The following EPHA6 variants were observed in gnomAD, a reference collection of about 807,000 sequenced individuals.
The protein encoded by EPHA6 is ephrin type-A receptor 6.
A neutral mutation model predicts 112.0 loss-of-function variants in EPHA6; 50 were observed. The observed-to-expected ratio is 0.45, with a 90% CI of 0.36 to 0.56. The LOEUF is 0.56. Ranked by LOEUF, EPHA6 falls within the 20% of genes least tolerant of loss-of-function variation. EPHA6 has a pLI of 0.00. For missense variants in EPHA6, 1,280 were observed against 1,417.4 expected (o/e 0.90, Z 1.56); for synonymous variants, 529 against 490.7 (o/e 1.08, Z -1.03).
chr3:97,187,967 T>C (rs1203127743), intron 3 of EPHA6, among the ~76,000 whole-genome samples: 1 of 152,104 alleles, frequency 6.6e-6, no homozygotes, highest in Non-Finnish European at 1.5e-5. Context: ...TTGACACATA[T>C]CTGATTGGCA....
chr3:96,822,080 C>A (rs2033302432), intron 1 of EPHA6, among the ~76,000 whole-genome samples: 1 of 151,900 alleles, frequency 6.6e-6, no homozygotes, highest in African/African-American at 2.4e-5. Context: ...CAAGACTCTT[C>A]TGATGTTAGT....
intron 2 of EPHA6, among the ~76,000 whole-genome samples, chr3:96,931,377 C>G (rs112306901): frequency 0.01 from 1,584 of 152,264 alleles, 26 homozygotes; most frequent in African/African-American, 0.036. Context: ...AGCCAGCAGG[C>G]TGAGATGGCT....
chr3:97,542,068 C>A (rs1382486680), intron 11 of EPHA6, among the ~76,000 whole-genome samples: 1 of 149,992 alleles, frequency 6.7e-6, no homozygotes, highest in Non-Finnish European at 1.5e-5. Context: ...GGAGGCTAGG[C>A]CTGTCTTGTC....
chr3:97,715,398 T>G (rs111420971), intron 14 of EPHA6, among the ~76,000 whole-genome samples: 3,361 of 152,314 alleles, frequency 0.022, 64 homozygotes, highest in Middle Eastern at 0.061. Context: ...AAAATATTGT[T>G]TAGTCAAAAT....
chr3:97,442,880 G>A (rs2090185276), intron 6 of EPHA6, among the ~76,000 whole-genome samples: 1 of 152,040 alleles, frequency 6.6e-6, no homozygotes, highest in African/African-American at 2.4e-5. Context: ...ACCAAATCTA[G>A]TATTCAAACT....
chr3:97,203,477 A>G (rs2077632261), intron 3 of EPHA6, among the ~76,000 whole-genome samples: 1 of 152,130 alleles, frequency 6.6e-6, no homozygotes, highest in Admixed American at 6.6e-5. Context: ...CATCATACCC[A>G]ATTTTTAACA....
intron 3 of EPHA6, among the ~76,000 whole-genome samples, chr3:97,146,354 G>A (rs1262707618): frequency 4.0e-5 from 6 of 151,778 alleles, no homozygotes; most frequent in Non-Finnish European, 8.8e-5. Flanking sequence ...CATTCTCTTT[G>A]CTGCTGGAGA....
intron 3 of EPHA6, among the ~76,000 whole-genome samples, chr3:97,055,403 C>A (rs953673801): frequency 6.6e-6 from 1 of 152,036 alleles, no homozygotes; most frequent in Non-Finnish European, 1.5e-5. Flanking sequence ...GAAATCTTAG[C>A]TTAAAAACCT....
intron 1 of EPHA6, among the ~76,000 whole-genome samples, chr3:96,849,683 A>G (rs953520302): frequency 2.0e-5 from 3 of 152,138 alleles, no homozygotes; most frequent in African/African-American, 7.2e-5. Flanking sequence ...CATAGTGGTT[A>G]GGAACTTGGG....
chr3:96,814,905 C>T lies in EPHA6; in HGVS notation c.282C>T (p.Thr94=), dbSNP rs1392776697. The T allele has an allele frequency of 3.2e-6, 5 of 1,553,280 alleles. No homozygotes were observed. Among genetic ancestry groups the T allele is most frequent in the Non-Finnish European group, 4.4e-6 (5 of 1,147,700 alleles). The change falls in exon 1 of 18, where the codon ACC becomes ACT. Residue 94 remains threonine, a synonymous_variant. Transcript: ENST00000389672. The part of the protein sequence containing the change: ...LRERKREPRR[T]MGGCEVREFL... ...AGAGGAAAAGAGAGCCTAGGAGAAC[C>T]ATGGGGGGCTGCGAAGTCCGGGAAT...
At chr3:97,351,322 T>C (rs1208338164) in intron 5 of EPHA6, among the ~76,000 whole-genome samples, 1 of 152,234 alleles carries the variant, frequency 6.6e-6, no homozygotes, top group African/African-American at 2.4e-5. Flanking sequence ...TTAGTGCTTA[T>C]AAAACAGTGA....
chr3:97,701,758 G>C (rs2033405621), intron 14 of EPHA6, among the ~76,000 whole-genome samples: 1 of 151,488 alleles, frequency 6.6e-6, no homozygotes, highest in Non-Finnish European at 1.5e-5. Context: ...ATTTATACTT[G>C]TTGTTTCACA....
At chr3:97,492,968 C>G (rs1577566436) in intron 10 of EPHA6, among the ~76,000 whole-genome samples, 1 of 141,342 alleles carries the variant, frequency 7.1e-6, no homozygotes, top group South Asian at 2.2e-4. Flanking sequence ...AAAACATAAG[C>G]TTTTCCTTTT....
At chr3:96,899,063 A>C (rs551699689) in intron 2 of EPHA6, among the ~76,000 whole-genome samples, 53 of 151,830 alleles carry the variant, frequency 3.5e-4, no homozygotes, top group African/African-American at 7.5e-4. Context: ...CAAAAAAAAA[A>C]CAGGAATTTA....
intron 5 of EPHA6, among the ~76,000 whole-genome samples, chr3:97,276,449 C>T (rs1211772792): frequency 6.6e-6 from 1 of 152,072 alleles, no homozygotes; most frequent in Admixed American, 6.6e-5. Flanking sequence ...TTGTAGCAAG[C>T]TCCTGGGAGA....
chr3:97,241,386 C>G (rs974746156), intron 4 of EPHA6, among the ~76,000 whole-genome samples: 1 of 151,654 alleles, frequency 6.6e-6, no homozygotes, highest in African/African-American at 2.4e-5. Flanking sequence ...TTTAAAGAAA[C>G]AAAATCAACA....
At chr3:97,463,345 G>A (rs2090953809) in intron 7 of EPHA6, among the ~76,000 whole-genome samples, 1 of 152,100 alleles carries the variant, frequency 6.6e-6, no homozygotes, top group Non-Finnish European at 1.5e-5. Context: ...CAGAGGAATA[G>A]TGATTTTTTA....
chr3:97,413,702 G>A (rs563625616), intron 6 of EPHA6, among the ~76,000 whole-genome samples: 18 of 151,972 alleles, frequency 1.2e-4, no homozygotes, highest in Middle Eastern at 3.4e-3. Flanking sequence ...CCTTTGGCAC[G>A]GTGAGTTTGG....
chr3:97,255,167 T>G (rs1468596152), intron 5 of EPHA6, among the ~76,000 whole-genome samples: 2 of 151,680 alleles, frequency 1.3e-5, no homozygotes, highest in Non-Finnish European at 2.9e-5. Context: ...TGTGTGTGTG[T>G]GTGTGTGTGT....
Sources: gnomAD v4.1 joint callset for allele counts (sites outside exome capture counted in the v4.1 genomes callset) on GRCh38, gnomAD v4.1.1 for gene constraint, MANE v1.5 for transcripts, NCBI Gene and HGNC (gene_info 2026-07-23, HGNC 2026-07-21) for gene names.